The following COMMD10 variants were observed in gnomAD, a reference collection of about 807,000 sequenced individuals.
The protein encoded by COMMD10 is COMM domain containing 10.
Under a neutral mutation model 28.9 loss-of-function variants are expected in COMMD10, and 33 were observed. The ratio of observed to expected loss-of-function variants is 1.14; its 90% CI spans 0.87 to 1.53. The LOEUF (loss-of-function observed/expected upper bound fraction) is 1.53, where lower values mean the gene tolerates loss of function less well. COMMD10 is among the 40% of genes most tolerant of loss of function. COMMD10 has a pLI of 0.00. For synonymous variants in COMMD10, 110 were observed against 81.7 expected (o/e 1.35, Z -1.87); for missense variants, 310 against 233.4 (o/e 1.33, Z -2.14).
chr5:116,292,676 A>T lies in COMMD10; in HGVS notation c.*187A>T. ...GTTAAGAATACTGAGGTTCTAATAT[A>T]CTTTCTTTAGTTCTGTGAGCCAACA... On this transcript the variant is annotated 3_prime_UTR_variant, in exon 7 of 7. Transcript: ENST00000274458. 1 of 429,714 alleles carries T rather than the reference A, an allele frequency of 2.3e-6. No individual in the cohort carries two copies. The highest frequency in any genetic ancestry group is 4.1e-6 in the Non-Finnish European group (1 of 242,846). 26.6% of individuals were successfully genotyped at this position (429,714 alleles called of 1,614,324 possible). A position where few individuals can be genotyped will look rare whatever the true frequency, so the allele number is the denominator to read the frequency against.
chr5:116,115,781 T>C (rs1437805259), intron 4 of COMMD10, among the ~76,000 whole-genome samples: 1 of 152,184 alleles, frequency 6.6e-6, no homozygotes, highest in African/African-American at 2.4e-5. Flanking sequence ...TTCTGGGAGA[T>C]ACCTAAAGGA....
At chr5:116,199,592 T>G (rs1748611504) in intron 5 of COMMD10, among the ~76,000 whole-genome samples, 1 of 152,172 alleles carries the variant, frequency 6.6e-6, no homozygotes, top group African/African-American at 2.4e-5. Context: ...AACAAAGTTA[T>G]TTTACCATTA....
At chr5:116,164,360 A>AT (rs1242461624) in intron 5 of COMMD10, among the ~76,000 whole-genome samples, 1 of 152,112 alleles carries the variant, frequency 6.6e-6, no homozygotes, top group African/African-American at 2.4e-5. Context: ...CTCTGGATTA[A>AT]TTTCTATTTT....
chr5:116,091,117 T>A lies in COMMD10; in HGVS notation c.171T>A (p.Leu57=). The change falls in exon 3 of 7, where the codon CTT becomes CTA. Residue 57 remains leucine, a synonymous_variant. Transcript: ENST00000274458. ...TCAGTGAAGAAGAGGAAGAAAAACT[T>A]CAAGCGGCATTTTCTCTAGAGAAAC... The part of the protein sequence containing the change: ...SSFSEEEEEK[L]QAAFSLEKQD... The A allele has an allele frequency of 1.2e-6, 2 of 1,612,486 alleles. No homozygotes were observed. The highest frequency in any genetic ancestry group is 1.7e-6 in the Non-Finnish European group (2 of 1,179,118).
chr5:116,196,439 C>T (rs896010243), intron 5 of COMMD10, among the ~76,000 whole-genome samples: 1 of 151,830 alleles, frequency 6.6e-6, no homozygotes, highest in Non-Finnish European at 1.5e-5. Flanking sequence ...CACAAATCTC[C>T]ACTAAAGAAC....
At chr5:116,139,221 C>G (rs1752121658) in intron 5 of COMMD10, among the ~76,000 whole-genome samples, 1 of 151,516 alleles carries the variant, frequency 6.6e-6, no homozygotes, top group African/African-American at 2.4e-5. Context: ...TTTTTCTTTC[C>G]CCTTTATTTG....
At chr5:116,171,895 CAACA>C (rs929711575) in intron 5 of COMMD10, among the ~76,000 whole-genome samples, 1 of 152,044 alleles carries the variant, frequency 6.6e-6, no homozygotes, top group Non-Finnish European at 1.5e-5. Context: ...GTTGATGGTG[CAACA>C]AACCACCATG....
At chr5:116,090,970 T>A (rs1275781856) in intron 2 of COMMD10, 109 bp from the exon 3 acceptor site, 5 of 585,410 alleles carry the variant, frequency 8.5e-6, no homozygotes, top group Non-Finnish European at 1.5e-5. Context: ...CACCATGTAT[T>A]TTTCTTTAAA....
At chr5:116,290,051 C>G (rs988983774) in intron 5 of COMMD10, among the ~76,000 whole-genome samples, 2 of 151,926 alleles carry the variant, frequency 1.3e-5, no homozygotes, top group Non-Finnish European at 2.9e-5. Flanking sequence ...GGCTTGACTG[C>G]CACCTTTAGG....
chr5:116,097,985 A>ATGAGATTTGTTGTGGTCACAG lies in COMMD10; in HGVS notation c.399+5286_399+5306dup, dbSNP rs1750522119. Among the ~76,000 whole-genome samples the ATGAGATTTGTTGTGGTCACAG allele has an allele frequency of 2.6e-5, 4 of 152,202 alleles. No individual in the cohort carries two copies. The South Asian group carries it at 8.3e-4, about 32-fold the overall frequency. Reference sequence around the variant, plus strand: ...CCAACACTGGAGATTACAATTGCACATGAGATTTGTTGTGGTCACAGATCC... The same window carrying ATGAGATTTGTTGTGGTCACAG: ...CCAACACTGGAGATTACAATTGCACATGAGATTTGTTGTGGTCACAGTGAGATTTGTTGTGGTCACAGATCC... On this transcript the variant is annotated intron_variant, in intron 4 of 6. Coordinates refer to ENST00000274458, the MANE Select transcript of COMMD10 (RefSeq NM_016144.4).
intron 5 of COMMD10, among the ~76,000 whole-genome samples, chr5:116,244,557 G>C (rs575561248): frequency 7.3e-5 from 11 of 151,178 alleles, no homozygotes; most frequent in African/African-American, 2.7e-4. Context: ...ATCTGAGGAG[G>C]GGTAAAGAAT....
intron 5 of COMMD10, among the ~76,000 whole-genome samples, chr5:116,290,205 G>A (rs1751328188): frequency 6.6e-6 from 1 of 151,748 alleles, no homozygotes; most frequent in Non-Finnish European, 1.5e-5. Flanking sequence ...TTAACTGCTA[G>A]GAGGGCATAT....
intron 4 of COMMD10, among the ~76,000 whole-genome samples, chr5:116,115,357 A>G (rs550994364): frequency 3.3e-5 from 5 of 152,252 alleles, no homozygotes; most frequent in African/African-American, 1.2e-4. Flanking sequence ...TGCCCTGTCC[A>G]CATTAGCTGT....
At chr5:116,262,642 T>G (rs1750480175) in intron 5 of COMMD10, among the ~76,000 whole-genome samples, 1 of 151,842 alleles carries the variant, frequency 6.6e-6, no homozygotes, top group African/African-American at 2.4e-5. Context: ...GGTTATTAAG[T>G]CTGTGTATTC....
chr5:116,144,955 T>C (rs930736455), intron 5 of COMMD10, among the ~76,000 whole-genome samples: 1 of 151,778 alleles, frequency 6.6e-6, no homozygotes. Context: ...ATACATTTCT[T>C]GAGAAAGTGA....
chr5:116,198,942 C>T (rs993364616), intron 5 of COMMD10, among the ~76,000 whole-genome samples: 5 of 152,072 alleles, frequency 3.3e-5, no homozygotes, highest in Non-Finnish European at 5.9e-5. Context: ...TTTGTATGCA[C>T]GTAAGTCTTC....
intron 5 of COMMD10, among the ~76,000 whole-genome samples, chr5:116,203,790 C>G (rs1748738309): frequency 1.3e-5 from 2 of 151,898 alleles, no homozygotes; most frequent in South Asian, 2.1e-4. Flanking sequence ...AAAATCATGC[C>G]AAAATGTAAA....
intron 5 of COMMD10, among the ~76,000 whole-genome samples, chr5:116,146,161 G>T (rs190226972): frequency 6.6e-6 from 1 of 151,780 alleles, no homozygotes. Flanking sequence ...GGTCTTTTGC[G>T]AACCTTTACC....
chr5:116,203,424 G>A (rs993547649), intron 5 of COMMD10, among the ~76,000 whole-genome samples: 10 of 151,956 alleles, frequency 6.6e-5, no homozygotes, highest in Admixed American at 5.9e-4. Flanking sequence ...GAGCAACTCC[G>A]AGACACATAA....
Sources: allele counts gnomAD v4.1 joint callset (sites outside exome capture counted in the v4.1 genomes callset), GRCh38; gene constraint gnomAD v4.1.1; transcripts MANE v1.5; gene names NCBI Gene and HGNC (gene_info 2026-07-23, HGNC 2026-07-21).